The following AMBRA1 variants were observed in gnomAD, a reference collection of about 807,000 sequenced individuals.
AMBRA1 encodes the protein autophagy and beclin 1 regulator 1.
Under a neutral mutation model 125.4 loss-of-function variants are expected in AMBRA1, and 47 were observed. That is an observed-to-expected ratio of 0.37 (90% CI 0.30 to 0.48). The LOEUF (loss-of-function observed/expected upper bound fraction) is 0.48, where lower values mean the gene tolerates loss of function less well. Ranked by LOEUF, AMBRA1 falls within the 20% of genes least tolerant of loss-of-function variation. AMBRA1 has a pLI of 0.99. For missense variants in AMBRA1, 1,331 were observed against 1,693.4 expected (o/e 0.79, Z 3.76); for synonymous variants, 626 against 655.5 (o/e 0.95, Z 0.69).
chr11:46,499,804 C>T (rs561630883), intron 9 of AMBRA1, among the ~76,000 whole-genome samples: 87 of 152,114 alleles, frequency 5.7e-4, no homozygotes, highest in African/African-American at 1.8e-3. Flanking sequence ...TACAGGCGCC[C>T]GCCACCACGC....
chr11:46,418,371 T>C (rs1448157098), intron 14 of AMBRA1, among the ~76,000 whole-genome samples: 1 of 142,566 alleles, frequency 7.0e-6, no homozygotes, highest in Non-Finnish European at 1.5e-5. Context: ...TTATTATTTA[T>C]ATATAAATAT....
intron 11 of AMBRA1, among the ~76,000 whole-genome samples, chr11:46,472,518 C>T (rs539322492): frequency 1.3e-5 from 2 of 152,302 alleles, no homozygotes; most frequent in East Asian, 3.9e-4. Flanking sequence ...CACACCCTCA[C>T]CTGTCAAGTG....
At chr11:46,513,225 C>T (rs558491453) in intron 7 of AMBRA1, among the ~76,000 whole-genome samples, 36 of 151,140 alleles carry the variant, frequency 2.4e-4, no homozygotes, top group Admixed American at 7.2e-4. Flanking sequence ...TCATCCACAT[C>T]TACTTCCTGT....
At chr11:46,564,854 T>A (rs1006184574) in intron 1 of AMBRA1, among the ~76,000 whole-genome samples, 2 of 152,198 alleles carry the variant, frequency 1.3e-5, no homozygotes, top group Non-Finnish European at 2.9e-5. Flanking sequence ...GATCATCAGA[T>A]GAGACAAGGA....
In AMBRA1 at chr11:46,541,840, G is replaced by A. The variant is rs867287289; in HGVS notation, c.2072+105C>T. 98 of 1,445,522 alleles carry A rather than the reference G, an allele frequency of 6.8e-5. No homozygotes were observed. The African/African-American group carries it at 1.1e-3, about 17-fold the overall frequency. The allele number at this position is 1,445,522 out of a possible 1,614,324, so 89.5% of individuals were successfully genotyped here. On this transcript the variant is annotated intron_variant, in intron 7 of 17. Transcript: ENST00000683756. ...CAATGGCGAGATCAGAAGCAGATGCGTGGGTCCCAGACACTCCAGATACAG... is the reference window on the plus strand; with the variant it reads ...CAATGGCGAGATCAGAAGCAGATGCATGGGTCCCAGACACTCCAGATACAG...
rs1380379555 is a variant in AMBRA1 at position 46,443,419 on chromosome 11, A to G, written c.2632+69T>C. The G allele has an allele frequency of 3.9e-6, 5 of 1,281,904 alleles. No individual in the cohort carries two copies. In the Admixed American group the frequency reaches 5.2e-5, roughly 13 times the overall value. The allele number at this position is 1,281,904 out of a possible 1,614,324, so 79.4% of individuals were successfully genotyped here. A position where few individuals can be genotyped will look rare whatever the true frequency, so the allele number is the denominator to read the frequency against. On this transcript the variant is annotated intron_variant, in intron 12 of 17. Transcript: ENST00000683756. ...ATGATGAAAAACCCAGTGCTCCATG[A>G]ATTTTTGAGTTCTGGCTCACCAGCA...
intron 1 of AMBRA1, among the ~76,000 whole-genome samples, chr11:46,583,247 G>A (rs1476727651): frequency 1.3e-5 from 2 of 151,632 alleles, no homozygotes; most frequent in Admixed American, 6.6e-5. Flanking sequence ...ACAAGCAATG[G>A]GGAAAGGATT....
At chr11:46,483,211 GGTGA>G (rs945445929) in intron 11 of AMBRA1, among the ~76,000 whole-genome samples, 1 of 151,924 alleles carries the variant, frequency 6.6e-6, no homozygotes, top group African/African-American at 2.4e-5. Context: ...ATCTTCACAG[GGTGA>G]GTATGTGGTT....
chr11:46,432,562 A>T (rs1947504639), intron 14 of AMBRA1, among the ~76,000 whole-genome samples: 1 of 152,162 alleles, frequency 6.6e-6, no homozygotes, highest in Non-Finnish European at 1.5e-5. Context: ...CCCATTCCAG[A>T]TATTCAACAG....
chr11:46,410,181 C>G lies in AMBRA1; in HGVS notation c.3209+95G>C, dbSNP rs145040199. ...GTGCTGCTCTGGTTGAGGAGGGACC[C>G]AGAGCCCTAGAGGGCGCTGCTTAAG... On this transcript the variant is annotated intron_variant, in intron 16 of 17. Transcript: ENST00000683756. 1.0e-4 allele frequency: 116 copies of G among 1,149,522 alleles called. No individual in the cohort carries two copies. The African/African-American group carries it at 1.6e-3, about 16-fold the overall frequency. The allele number at this position is 1,149,522 out of a possible 1,614,324, so 71.2% of individuals were successfully genotyped here.
intron 11 of AMBRA1, among the ~76,000 whole-genome samples, chr11:46,489,337 G>A (rs1950383893): frequency 6.6e-6 from 1 of 152,088 alleles, no homozygotes; most frequent in African/African-American, 2.4e-5. Context: ...GTAGAGATGA[G>A]GTTTCACCAC....
chr11:46,397,641 G>A lies in AMBRA1; in HGVS notation c.3706C>T (p.Pro1236Ser), dbSNP rs1275778909. 3 of 1,612,754 alleles carry A rather than the reference G, an allele frequency of 1.9e-6. No homozygotes were observed. The highest frequency in any genetic ancestry group is 2.2e-5 in the South Asian group (2 of 90,944). The change falls in exon 18 of 18, where the codon CCT (proline) becomes TCT (serine). Residue 1236 changes from proline (P) to serine (S), a missense_variant. Physicochemically the swap from Pro to Ser is moderately conservative, Grantham distance 74. Transcript: ENST00000683756. ...GTTGGCTCCCGCCCAGGGGTACCAG[G>A]CTGGTCCCAGGAAGCTGTCCGGGGG... ...LSPRTASWDQ[P>S]GTPGREPTQP...
chr11:46,548,307 G>A lies in AMBRA1; in HGVS notation c.74C>T (p.Ala25Val). Residue 25 changes from alanine (A) to valine (V), a missense_variant, in exon 2 of 18, where the codon GCT (alanine) becomes GTT (valine). By Grantham distance (64) the Ala-to-Val change is moderately conservative. Around this residue, in one of 4 missense-constraint regions of AMBRA1, gnomAD observed 144 missense variants for 250.4 expected, o/e 0.58. Transcript: ENST00000683756. ...GRERGARAMG[A>V]QRLLQELVED... ...TACCAGCTCCTGCAGAAGCCGCTGA[G>A]CTCCCATGGCCCGAGCACCCCGTTC... 1 of 1,614,122 alleles carries A rather than the reference G, an allele frequency of 6.2e-7. No individual in the cohort carries two copies. Among genetic ancestry groups the A allele is most frequent in the South Asian group, 1.1e-5 (1 of 91,086 alleles).
intron 7 of AMBRA1, among the ~76,000 whole-genome samples, chr11:46,515,424 G>A (rs1951434763): frequency 6.6e-6 from 1 of 152,150 alleles, no homozygotes; most frequent in African/African-American, 2.4e-5. Flanking sequence ...AGTGAGCTGA[G>A]ATCGCACTAC....
intron 1 of AMBRA1, among the ~76,000 whole-genome samples, chr11:46,581,694 G>T (rs1265218239): frequency 6.6e-6 from 1 of 151,522 alleles, no homozygotes; most frequent in East Asian, 1.9e-4. Context: ...CAGCTACTCA[G>T]GAGGCTGAGG....
intron 7 of AMBRA1, chr11:46,518,362 G>A (rs963333057): frequency 1.3e-4 from 25 of 186,568 alleles, no homozygotes; most frequent in African/African-American, 2.2e-4. Flanking sequence ...CCTGGGAGGC[G>A]GAGCTTGCAG....
At chr11:46,471,569 T>C (rs371515045) in intron 11 of AMBRA1, among the ~76,000 whole-genome samples, 2 of 151,260 alleles carry the variant, frequency 1.3e-5, no homozygotes, top group East Asian at 4.0e-4. Flanking sequence ...CAGAGTAATA[T>C]TCCTTTAAGA....
At chr11:46,584,048 A>G (rs1481842928) in intron 1 of AMBRA1, among the ~76,000 whole-genome samples, 1 of 146,242 alleles carries the variant, frequency 6.8e-6, no homozygotes, top group Non-Finnish European at 1.5e-5. Context: ...ACTATAAATC[A>G]TGCTGCTATA....
At chr11:46,429,710 A>C (rs1947358811) in intron 14 of AMBRA1, among the ~76,000 whole-genome samples, 1 of 152,158 alleles carries the variant, frequency 6.6e-6, no homozygotes, top group Non-Finnish European at 1.5e-5. Flanking sequence ...ATACTGTGCA[A>C]GTTGCCACTA....
Sources: gnomAD v4.1 joint callset for allele counts (sites outside exome capture counted in the v4.1 genomes callset) on GRCh38, gnomAD v4.1.1 for gene constraint, gnomAD v4.1.1 regional missense constraint, MANE v1.5 for transcripts, NCBI Gene and HGNC (gene_info 2026-07-23, HGNC 2026-07-21) for gene names.